Variants in PRKN observed in about 807,000 individuals in gnomAD.
PRKN encodes parkin RBR E3 ubiquitin protein ligase.
PRKN carries 56 observed loss-of-function variants against 59.5 expected under a neutral mutation model. That is an observed-to-expected ratio of 0.94 (90% CI 0.76 to 1.18). The LOEUF (loss-of-function observed/expected upper bound fraction) is 1.18. Among genes scored for constraint, PRKN ranks in the 50% most tolerant of loss-of-function variants. PRKN has a pLI of 0.00. For missense variants in PRKN, 657 were observed against 596.4 expected (o/e 1.10, Z -1.06); for synonymous variants, 250 against 222.1 (o/e 1.13, Z -1.12).
rs1562673354 is a variant in PRKN at position 161,774,381 on chromosome 6, A to AAC, written c.871+11390_871+11391insGT. On this transcript the variant is annotated intron_variant, in intron 7 of 11. Coordinates refer to ENST00000366898, the MANE Select transcript of PRKN (RefSeq NM_004562.3). ...CCTCCCCCATCCTTTCTACTCCCTG[A>AAC]GCACACACACACACACACACACACA... Among the ~76,000 whole-genome samples the AAC allele has an allele frequency of 1.0e-3, 91 of 89,162 alleles. 2 individuals are homozygous for AAC. The highest frequency in any genetic ancestry group is 5.4e-3 in the Middle Eastern group (1 of 184). 58.5% of individuals were successfully genotyped at this position (89,162 alleles called of 152,430 possible).
rs959366927 is a variant in PRKN at position 161,552,965 on chromosome 6, A to G, written c.934-3962T>C. Among the ~76,000 whole-genome samples the G allele has an allele frequency of 6.6e-6, 1 of 151,528 alleles. No homozygotes were observed. The highest frequency in any genetic ancestry group is 1.5e-5 in the Non-Finnish European group (1 of 67,874). On this transcript the variant is annotated intron_variant, in intron 8 of 11. Transcript: ENST00000366898. This position sits in a 1 kb window ranked among gnomAD's most constrained non-coding sequence, Gnocchi z 4.9. ...ACCACCACACCCAGCTAGCTTTTGT[A>G]TTTTTAGTAGAGACGGGGTTTCACC...
intron 3 of PRKN, among the ~76,000 whole-genome samples, chr6:162,209,035 T>C (rs1583201193): frequency 1.3e-5 from 2 of 152,240 alleles, no homozygotes; most frequent in South Asian, 2.1e-4. Context: ...GACACAGGCA[T>C]GGGCAAGGAC....
intron 7 of PRKN, among the ~76,000 whole-genome samples, chr6:161,779,435 C>CTTTCCTTTTTTTTTTTTT (rs1234367519): frequency 2.2e-4 from 9 of 40,422 alleles, no homozygotes; most frequent in Non-Finnish European, 3.9e-4. Context: ...TTTTTCTTTT[C>CTTTCCTTTTTTTTTTTTT]TTTTCTTTTT....
At chr6:161,922,240 T>C (rs1182246189) in intron 6 of PRKN, among the ~76,000 whole-genome samples, 1 of 152,200 alleles carries the variant, frequency 6.6e-6, no homozygotes, top group Non-Finnish European at 1.5e-5. Context: ...TTCCTTGTTC[T>C]AGCTATTTCC....
At chr6:161,450,351 C>T (rs1789673233) in intron 9 of PRKN, among the ~76,000 whole-genome samples, 1 of 152,212 alleles carries the variant, frequency 6.6e-6, no homozygotes. Context: ...GAACACATCC[C>T]ATGTTGCGAA....
intron 2 of PRKN, among the ~76,000 whole-genome samples, chr6:162,286,831 T>C (rs1006426753): frequency 1.3e-5 from 2 of 152,218 alleles, no homozygotes; most frequent in African/African-American, 4.8e-5. Flanking sequence ...TGAAATAAGA[T>C]GATGGACAAC....
intron 2 of PRKN, among the ~76,000 whole-genome samples, chr6:162,291,398 G>A (rs1440578001): frequency 6.7e-6 from 1 of 149,906 alleles, no homozygotes; most frequent in Non-Finnish European, 1.5e-5. Flanking sequence ...GTCACAAGAG[G>A]GATGGGTGGG....
At chr6:162,247,050 T>G (rs1779228321) in intron 3 of PRKN, among the ~76,000 whole-genome samples, 1 of 138,142 alleles carries the variant, frequency 7.2e-6, no homozygotes, top group Non-Finnish European at 1.5e-5. Flanking sequence ...TGAGTCACAT[T>G]AATTGTTTTA....
chr6:161,473,393 C>T lies in PRKN; in HGVS notation c.1083+75461G>A, dbSNP rs1790890086. 6.6e-6 allele frequency among the ~76,000 whole-genome samples: 1 copy of T among 150,440 alleles called. No homozygotes were observed. The highest frequency in any genetic ancestry group is 6.6e-5 in the Admixed American group (1 of 15,056). On this transcript the variant is annotated intron_variant, in intron 9 of 11. Transcript: ENST00000366898. The surrounding 1 kb of genome is among the most constrained non-coding windows in gnomAD (Gnocchi z 4.1). Reference sequence around the variant, plus strand: ...ATATATATATAAAATGGAATATTATCAAGCCTTAAAAAGGAGATTCTACTA... The same window carrying T: ...ATATATATATAAAATGGAATATTATTAAGCCTTAAAAAGGAGATTCTACTA...
At chr6:162,588,001 G>C (rs1244398066) in intron 1 of PRKN, among the ~76,000 whole-genome samples, 1 of 144,116 alleles carries the variant, frequency 6.9e-6, no homozygotes, top group Admixed American at 7.0e-5. Context: ...CTTGAACTAA[G>C]TGAGTTTTTG....
chr6:161,901,482 G>A (rs1777914418), intron 6 of PRKN, among the ~76,000 whole-genome samples: 1 of 152,062 alleles, frequency 6.6e-6, no homozygotes, highest in African/African-American at 2.4e-5. Flanking sequence ...CTCACATCAT[G>A]AGATATTACA....
intron 5 of PRKN, among the ~76,000 whole-genome samples, chr6:162,028,060 G>C (rs1174234574): frequency 6.6e-6 from 1 of 152,050 alleles, no homozygotes; most frequent in Non-Finnish European, 1.5e-5. Flanking sequence ...AAGAAAGATG[G>C]TCAGAAACAC....
intron 7 of PRKN, among the ~76,000 whole-genome samples, chr6:161,632,210 C>A (rs1194673545): frequency 2.6e-5 from 4 of 152,082 alleles, no homozygotes; most frequent in Non-Finnish European, 4.4e-5. Flanking sequence ...ATGATAGTCA[C>A]AGCGTCACAC....
chr6:161,625,575 A>G (rs1488464962), intron 7 of PRKN, among the ~76,000 whole-genome samples: 1 of 152,216 alleles, frequency 6.6e-6, no homozygotes, highest in East Asian at 1.9e-4. Context: ...TAAAAAATCA[A>G]TAAAAAATAA....
At chr6:161,825,338 T>C (rs1387286240) in intron 6 of PRKN, among the ~76,000 whole-genome samples, 1 of 140,306 alleles carries the variant, frequency 7.1e-6, no homozygotes, top group Admixed American at 7.0e-5. Flanking sequence ...GTAATACTTT[T>C]GCATTCTGTT....
At chr6:161,897,151 C>T (rs1484081105) in intron 6 of PRKN, among the ~76,000 whole-genome samples, 3 of 152,238 alleles carry the variant, frequency 2.0e-5, no homozygotes, top group Non-Finnish European at 2.9e-5. Context: ...CAACAGTGTT[C>T]AATACTCATA....
intron 6 of PRKN, among the ~76,000 whole-genome samples, chr6:161,832,440 A>C (rs1006189864): frequency 6.6e-6 from 1 of 152,038 alleles, no homozygotes; most frequent in South Asian, 2.1e-4. Context: ...CCTGGCCAAC[A>C]TGGTGAAACC....
At chr6:161,587,704 G>A (rs186202225) in intron 7 of PRKN, among the ~76,000 whole-genome samples, 49 of 152,130 alleles carry the variant, frequency 3.2e-4, no homozygotes, top group African/African-American at 9.4e-4. Context: ...ACACGAGTAA[G>A]TTCTTTAGTG....
chr6:162,379,270 T>C (rs912183989), intron 2 of PRKN, among the ~76,000 whole-genome samples: 4 of 152,134 alleles, frequency 2.6e-5, no homozygotes, highest in African/African-American at 9.7e-5. Context: ...CATCACTCCA[T>C]GAGTGATAAA....
Sources: allele counts gnomAD v4.1 joint callset (sites outside exome capture counted in the v4.1 genomes callset), GRCh38; gene constraint gnomAD v4.1.1; non-coding constraint Gnocchi (gnomAD v3.1); transcripts MANE v1.5; gene names NCBI Gene and HGNC (gene_info 2026-07-23, HGNC 2026-07-21).